The following ZFAND3 variants were observed in gnomAD, a reference collection of about 807,000 sequenced individuals.
The protein encoded by ZFAND3 is zinc finger AN1-type containing 3, also known as AN1-type zinc finger protein 3.
In ZFAND3, 10 loss-of-function variants were observed where a neutral mutation model predicts 29.6. The observed-to-expected ratio is 0.34, with a 90% CI of 0.21 to 0.57. ZFAND3 has a LOEUF of 0.57. Among genes scored for constraint, ZFAND3 ranks in the 20% least tolerant of loss-of-function variants. The pLI is 0.86. For missense variants in ZFAND3, 230 were observed against 304.5 expected, an observed-to-expected ratio of 0.76 and a Z score of 1.82; for synonymous variants, 128 against 112.6, an observed-to-expected ratio of 1.14 and a Z score of -0.87.
chr6:38,051,791 A>G (rs1222257341), intron 2 of ZFAND3, among the ~76,000 whole-genome samples: 1 of 152,236 alleles, frequency 6.6e-6, no homozygotes, highest in African/African-American at 2.4e-5. Flanking sequence ...AAAAATTGAC[A>G]TATTTTGTGG....
chr6:38,100,558 T>G (rs1581917137), intron 4 of ZFAND3, among the ~76,000 whole-genome samples: 1 of 152,324 alleles, frequency 6.6e-6, no homozygotes, highest in East Asian at 1.9e-4. Flanking sequence ...TTGACTTCAC[T>G]GCAAACCCGG....
chr6:37,982,867 G>A (rs932354997), intron 2 of ZFAND3, among the ~76,000 whole-genome samples: 3 of 152,192 alleles, frequency 2.0e-5, no homozygotes, highest in African/African-American at 7.2e-5. Context: ...AGACCTTCCA[G>A]TAGGAAAAAA....
intron 1 of ZFAND3, among the ~76,000 whole-genome samples, chr6:37,889,702 A>G (rs537809569): frequency 6.6e-6 from 1 of 152,342 alleles, no homozygotes; most frequent in Admixed American, 6.5e-5. Flanking sequence ...GCCATGGGGC[A>G]TTGCTGTACT....
chr6:37,959,082 A>G (rs1011280059), intron 2 of ZFAND3, among the ~76,000 whole-genome samples: 3 of 152,314 alleles, frequency 2.0e-5, no homozygotes, highest in African/African-American at 7.2e-5. Context: ...ATAGAAGTGG[A>G]ATAGTGAGTA....
intron 1 of ZFAND3, among the ~76,000 whole-genome samples, chr6:37,916,318 GTAAAAAGTA>G (rs1761253487): frequency 6.6e-6 from 1 of 152,086 alleles, no homozygotes; most frequent in Non-Finnish European, 1.5e-5. Flanking sequence ...CCCTCAACTT[GTAAAAAGTA>G]CAGTACCTCC....
At chr6:37,925,533 T>C (rs1761467075) in intron 1 of ZFAND3, among the ~76,000 whole-genome samples, 1 of 152,046 alleles carries the variant, frequency 6.6e-6, no homozygotes, top group Admixed American at 6.6e-5. Flanking sequence ...TGAAAACCTG[T>C]CTCTACTAAA....
intron 2 of ZFAND3, among the ~76,000 whole-genome samples, chr6:38,032,492 C>G (rs1041932537): frequency 3.3e-5 from 5 of 152,144 alleles, no homozygotes; most frequent in Non-Finnish European, 7.3e-5. Flanking sequence ...AGTGTCAGAG[C>G]AGATTATAGG....
chr6:37,932,067 G>A (rs575337594), intron 2 of ZFAND3, among the ~76,000 whole-genome samples: 32 of 152,198 alleles, frequency 2.1e-4, no homozygotes, highest in African/African-American at 6.7e-4. Flanking sequence ...TCTGGAGAGC[G>A]AGACCATCCT....
intron 1 of ZFAND3, chr6:37,833,257 C>A (rs1763898301): frequency 1.3e-5 from 2 of 152,198 alleles, no homozygotes; most frequent in African/African-American, 4.8e-5. Context: ...CATGAATCTT[C>A]AGTGTATAGC....
chr6:37,966,363 A>G (rs943814191), intron 2 of ZFAND3, among the ~76,000 whole-genome samples: 9 of 152,234 alleles, frequency 5.9e-5, no homozygotes, highest in Admixed American at 5.9e-4. Flanking sequence ...TAGAATTTTC[A>G]GTTAAAAAGC....
chr6:37,854,567 G>A (rs1355901875), intron 1 of ZFAND3, among the ~76,000 whole-genome samples: 2 of 152,026 alleles, frequency 1.3e-5, no homozygotes, highest in African/African-American at 2.4e-5. Flanking sequence ...TGTTTGCCCG[G>A]CACTGTTCTA....
intron 2 of ZFAND3, among the ~76,000 whole-genome samples, chr6:38,000,238 A>G (rs1034312821): frequency 6.6e-6 from 1 of 152,194 alleles, no homozygotes; most frequent in Non-Finnish European, 1.5e-5. Context: ...TGCGAGACCC[A>G]TAGCACCTTC....
intron 2 of ZFAND3, among the ~76,000 whole-genome samples, chr6:38,001,556 A>G (rs1485392549): frequency 6.6e-6 from 1 of 152,226 alleles, no homozygotes; most frequent in Non-Finnish European, 1.5e-5. Flanking sequence ...GCTTTTGGCC[A>G]AAGGTTCAGA....
chr6:37,918,941 T>C (rs1459923065), intron 1 of ZFAND3, among the ~76,000 whole-genome samples: 8 of 147,444 alleles, frequency 5.4e-5, no homozygotes, highest in Admixed American at 4.8e-4. Context: ...TTTCAAAACA[T>C]GAAAAATGCC....
intron 2 of ZFAND3, among the ~76,000 whole-genome samples, chr6:38,002,614 T>G (rs149096536): frequency 3.9e-4 from 59 of 151,946 alleles, no homozygotes; most frequent in African/African-American, 1.3e-3. Context: ...GAGGTGGAGG[T>G]TGCAATTGCC....
chr6:38,057,261 A>G (rs1764148827), intron 2 of ZFAND3, among the ~76,000 whole-genome samples: 1 of 152,062 alleles, frequency 6.6e-6, no homozygotes, highest in Non-Finnish European at 1.5e-5. Flanking sequence ...TTTGTTGTTT[A>G]CTTCTTTACA....
intron 1 of ZFAND3, 86 bp from the exon 2 acceptor site, chr6:37,929,873 C>T (rs1761561429): frequency 7.5e-7 from 1 of 1,338,460 alleles, no homozygotes; most frequent in Non-Finnish European, 1.0e-6. Flanking sequence ...AAGTTCTTTG[C>T]CTACGTTTCT....
intron 2 of ZFAND3, among the ~76,000 whole-genome samples, chr6:38,009,924 G>C (rs1398133846): frequency 6.6e-6 from 1 of 152,094 alleles, no homozygotes; most frequent in African/African-American, 2.4e-5. Context: ...ATTTGTGGAC[G>C]GTGGGGGCGC....
chr6:38,105,758 G>A (rs982207767), intron 4 of ZFAND3, among the ~76,000 whole-genome samples: 4 of 152,068 alleles, frequency 2.6e-5, no homozygotes, highest in African/African-American at 9.7e-5. Flanking sequence ...TAACTACATG[G>A]GAACCTACAG....
Sources: gnomAD v4.1 joint callset for allele counts (sites outside exome capture counted in the v4.1 genomes callset) on GRCh38, gnomAD v4.1.1 for gene constraint, MANE v1.5 for transcripts, NCBI Gene and HGNC (gene_info 2026-07-23, HGNC 2026-07-21) for gene names.